RPS6KA2: variants seen among roughly 807,000 people sequenced by gnomAD.
RPS6KA2 encodes the protein ribosomal protein S6 kinase A2, also known as ribosomal protein S6 kinase alpha-2.
Under a neutral mutation model 91.8 loss-of-function variants are expected in RPS6KA2, and 42 were observed. The ratio of observed to expected loss-of-function variants is 0.46; its 90% CI spans 0.36 to 0.59. RPS6KA2 has a LOEUF of 0.59. RPS6KA2 is among the 20% of genes least tolerant of loss of function. The probability of loss-of-function intolerance (pLI) is 0.00; values close to 1 mark genes in which losing one functional copy is unlikely to be tolerated. For synonymous variants in RPS6KA2, 414 were observed against 393.6 expected, an observed-to-expected ratio of 1.05 and a Z score of -0.61; for missense variants, 798 against 978.5, an observed-to-expected ratio of 0.82 and a Z score of 2.46.
chr6:166,545,880 C>A (rs894184177), intron 1 of RPS6KA2, among the ~76,000 whole-genome samples: 1 of 152,216 alleles, frequency 6.6e-6, no homozygotes, highest in African/African-American at 2.4e-5. Flanking sequence ...GCAGGGGCCT[C>A]CTTCCCACAG....
chr6:166,661,338 G>A lies in RPS6KA2; in HGVS notation c.124-122554C>T, dbSNP rs118019491. Among the ~76,000 whole-genome samples, 1,279 of 152,202 alleles carry A rather than the reference G, an allele frequency of 8.4e-3. 14 individuals carry two copies. Among genetic ancestry groups the A allele is most frequent in the South Asian group, 0.03 (145 of 4,820 alleles). On this transcript the variant is annotated intron_variant, in intron 2 of 21. Coordinates refer to the RPS6KA2 transcript ENST00000503859. ...TGGTCTCAAACTCCTAAACTCAGGC[G>A]ATCCGCCCGCCTCGGCCTCCCCAAG... is the stretch of plus-strand genomic sequence containing the variant.
In RPS6KA2 at chr6:166,508,828, G is replaced by C. The variant is rs1047979950; in HGVS notation, c.380-546C>G. On this transcript the variant is annotated intron_variant, in intron 4 of 20. Coordinates refer to ENST00000265678, the MANE Select transcript of RPS6KA2 (RefSeq NM_021135.6). This position sits in a 1 kb window ranked among gnomAD's most constrained non-coding sequence, Gnocchi z 4.3. Reference sequence around the variant, plus strand: ...CAATGGGGCTCACGTCCTAGGTCTGGTCACTGTGAGCTATAACTGCAGACT... The same window carrying C: ...CAATGGGGCTCACGTCCTAGGTCTGCTCACTGTGAGCTATAACTGCAGACT... Among the ~76,000 whole-genome samples, 1 of 152,190 alleles carries C rather than the reference G, an allele frequency of 6.6e-6. No individual in the cohort carries two copies. The highest frequency in any genetic ancestry group is 6.5e-5 in the Admixed American group (1 of 15,280).
intron 14 of RPS6KA2, 121 bp from the exon 15 acceptor site, chr6:166,432,611 A>C (rs2128446374): frequency 2.3e-4 from 139 of 592,038 alleles, no homozygotes; most frequent in East Asian, 5.2e-4. Context: ...CTACAATCTC[A>C]CACCCGACCA....
chr6:166,526,517 T>G (rs1380615906), intron 3 of RPS6KA2, among the ~76,000 whole-genome samples: 4 of 152,032 alleles, frequency 2.6e-5, no homozygotes, highest in Non-Finnish European at 5.9e-5. Context: ...AGTTAATTTT[T>G]GACTTTTTAA....
At position 166,635,482 on chromosome 6, in the gene RPS6KA2, C is replaced by T. The variant is rs752368949; in HGVS notation, c.124-96698G>A. On this transcript the variant is annotated intron_variant, in intron 2 of 21. Transcript: ENST00000503859. The surrounding 1 kb of genome is among the most constrained non-coding windows in gnomAD (Gnocchi z 4.8). ...ACATTCACAGGCTATGATGAGCAAG[C>T]GCCAGCCAGATACACAGGGACAGAC... Among the ~76,000 whole-genome samples the T allele has an allele frequency of 5.3e-5, 8 of 152,198 alleles. No homozygotes were observed. The East Asian group carries it at 5.8e-4, about 11-fold the overall frequency.
At chr6:166,529,363 T>G (rs576511925) in intron 3 of RPS6KA2, among the ~76,000 whole-genome samples, 7 of 152,084 alleles carry the variant, frequency 4.6e-5, no homozygotes, top group African/African-American at 1.7e-4. Context: ...TAGGTGGGAA[T>G]TGAACAACGA....
intron 2 of RPS6KA2, chr6:166,701,146 T>C: frequency 1.2e-6 from 2 of 1,612,086 alleles, no homozygotes; most frequent in Non-Finnish European, 1.7e-6. Context: ...CTGTTGTTGC[T>C]GCTGCTTTAC....
intron 1 of RPS6KA2, among the ~76,000 whole-genome samples, chr6:166,618,310 C>A (rs1786492904): frequency 6.6e-6 from 1 of 152,244 alleles, no homozygotes; most frequent in Non-Finnish European, 1.5e-5. Context: ...ACAGTAACTT[C>A]TCTTCCCGAA....
chr6:166,525,549 C>T lies in RPS6KA2; in HGVS notation c.298+5683G>A, dbSNP rs117489369. 5.7e-4 allele frequency among the ~76,000 whole-genome samples: 87 copies of T among 152,270 alleles called. 5 individuals carry two copies. The East Asian group carries it at 0.015, about 26-fold the overall frequency. On this transcript the variant is annotated intron_variant, in intron 3 of 20. Transcript: ENST00000265678. Reference sequence around the variant, plus strand: ...AAATGGAGCCGTCGGAAGCCATTATCCTCCGAGGTGAGCTGGAAGGAATCC... The same window carrying T: ...AAATGGAGCCGTCGGAAGCCATTATTCTCCGAGGTGAGCTGGAAGGAATCC...
At chr6:166,621,308 A>G (rs1270480353) in intron 1 of RPS6KA2, among the ~76,000 whole-genome samples, 1 of 152,234 alleles carries the variant, frequency 6.6e-6, no homozygotes, top group Non-Finnish European at 1.5e-5. Context: ...ACGCCCTGAT[A>G]TGCAGGTGCC....
At chr6:166,552,009 G>A (rs1000524356) in intron 1 of RPS6KA2, among the ~76,000 whole-genome samples, 7 of 152,140 alleles carry the variant, frequency 4.6e-5, no homozygotes, top group South Asian at 2.1e-4. Flanking sequence ...TTCTATCAGC[G>A]TTTCCATTGT....
At chr6:166,529,153 A>G (rs550957672) in intron 3 of RPS6KA2, among the ~76,000 whole-genome samples, 1 of 152,370 alleles carries the variant, frequency 6.6e-6, no homozygotes, top group African/African-American at 2.4e-5. Flanking sequence ...TCACCATAGC[A>G]AAGACTTGGA....
chr6:166,618,835 C>A (rs1322865502), intron 1 of RPS6KA2, among the ~76,000 whole-genome samples: 1 of 152,258 alleles, frequency 6.6e-6, no homozygotes, highest in Non-Finnish European at 1.5e-5. Context: ...TGTCATGAGC[C>A]TTGACACCGC....
At chr6:166,608,821 T>A (rs1435905755) in intron 1 of RPS6KA2, among the ~76,000 whole-genome samples, 1 of 152,228 alleles carries the variant, frequency 6.6e-6, no homozygotes, top group African/African-American at 2.4e-5. Context: ...TGTTTTTTTT[T>A]AAGTTGATAT....
intron 1 of RPS6KA2, among the ~76,000 whole-genome samples, chr6:166,550,641 A>G (rs1783971030): frequency 6.6e-6 from 1 of 152,036 alleles, no homozygotes; most frequent in East Asian, 1.9e-4. Context: ...TTTTCCTGGG[A>G]GGTGGGTGTC....
chr6:166,690,997 A>G (rs570298737), intron 2 of RPS6KA2, among the ~76,000 whole-genome samples: 11 of 152,242 alleles, frequency 7.2e-5, no homozygotes, highest in Non-Finnish European at 1.6e-4. Flanking sequence ...AGTAAACAGC[A>G]TAATAATCAA....
At chr6:166,617,563 T>G (rs76636412) in intron 1 of RPS6KA2, among the ~76,000 whole-genome samples, 4,044 of 152,280 alleles carry the variant, frequency 0.027, 192 homozygotes, top group African/African-American at 0.091. Flanking sequence ...TCTGAGTAAT[T>G]TGACTTACGC....
intron 11 of RPS6KA2, among the ~76,000 whole-genome samples, chr6:166,465,076 A>G (rs994933375): frequency 1.3e-5 from 2 of 152,224 alleles, no homozygotes; most frequent in African/African-American, 4.8e-5. Flanking sequence ...TAAATATCCT[A>G]ATATTTTCCC....
intron 2 of RPS6KA2, among the ~76,000 whole-genome samples, chr6:166,831,454 C>A (rs1780180405): frequency 6.6e-6 from 1 of 152,056 alleles, no homozygotes; most frequent in South Asian, 2.1e-4. Context: ...ACCTTCCCCC[C>A]TGCCCCTGCC....
Sources: allele counts gnomAD v4.1 joint callset (sites outside exome capture counted in the v4.1 genomes callset), GRCh38; gene constraint gnomAD v4.1.1; non-coding constraint Gnocchi (gnomAD v3.1); transcripts MANE v1.5; gene names NCBI Gene and HGNC (gene_info 2026-07-23, HGNC 2026-07-21).